GON4L: variants seen among roughly 807,000 people sequenced by gnomAD.
GON4L encodes the protein gon-4 like.
In GON4L, 87 loss-of-function variants were observed where a neutral mutation model predicts 211.8. The ratio of observed to expected loss-of-function variants is 0.41; its 90% CI spans 0.35 to 0.49. The LOEUF (loss-of-function observed/expected upper bound fraction) is 0.49, where lower values mean the gene tolerates loss of function less well. Among genes scored for constraint, GON4L ranks in the 20% least tolerant of loss-of-function variants. The pLI, the probability that GON4L is intolerant of heterozygous loss-of-function variation, is 0.15. For missense variants in GON4L, 2,155 were observed against 2,659.5 expected, an observed-to-expected ratio of 0.81 and a Z score of 4.17; for synonymous variants, 875 against 962.6, an observed-to-expected ratio of 0.91 and a Z score of 1.68.
chr1:155,855,285 C>A (rs1672169812), intron 1 of GON4L, among the ~76,000 whole-genome samples: 1 of 152,080 alleles, frequency 6.6e-6, no homozygotes, highest in African/African-American at 2.4e-5. Context: ...TCTTTCTCAT[C>A]TCCTTCCTCC....
intron 5 of GON4L, among the ~76,000 whole-genome samples, chr1:155,821,101 T>C (rs11264414): frequency 0.027 from 4,146 of 151,612 alleles, 194 homozygotes; most frequent in African/African-American, 0.092. Context: ...CCCGTCTCTA[T>C]TAAAAATACA....
chr1:155,770,825 C>A (rs1663117108), intron 19 of GON4L, among the ~76,000 whole-genome samples: 2 of 152,196 alleles, frequency 1.3e-5, no homozygotes, highest in Non-Finnish European at 2.9e-5. Context: ...GATTGCGCCA[C>A]TCTACTCAAG....
chr1:155,812,937 C>T (rs1456788418), intron 10 of GON4L, among the ~76,000 whole-genome samples: 2 of 152,044 alleles, frequency 1.3e-5, no homozygotes, highest in African/African-American at 2.4e-5. Flanking sequence ...TACACAAAAG[C>T]ATGCAGAGGT....
At chr1:155,820,493 C>A in intron 6 of GON4L, 113 bp downstream of exon 6, 1 of 731,856 alleles carries the variant, frequency 1.4e-6, no homozygotes, top group South Asian at 1.4e-5. Context: ...ATAAATATTT[C>A]TTTAAAGAGG....
At chr1:155,828,048 C>A (rs1669381028) in intron 2 of GON4L, among the ~76,000 whole-genome samples, 1 of 151,876 alleles carries the variant, frequency 6.6e-6, no homozygotes, top group Non-Finnish European at 1.5e-5. Flanking sequence ...GTCCCAGCTA[C>A]TTAGGAGGGT....
intron 6 of GON4L, among the ~76,000 whole-genome samples, chr1:155,817,823 C>T (rs1239600557): frequency 2.0e-5 from 3 of 150,816 alleles, no homozygotes; most frequent in Non-Finnish European, 4.4e-5. Context: ...GTCTGCGAGG[C>T]TAAGGCAGGA....
intron 10 of GON4L, among the ~76,000 whole-genome samples, chr1:155,813,127 C>G (rs1242140911): frequency 6.6e-6 from 1 of 152,100 alleles, no homozygotes; most frequent in African/African-American, 2.4e-5. Context: ...TAGTTCATTT[C>G]TTCCTTAGAA....
At chr1:155,834,869 C>A (rs1030210247) in intron 2 of GON4L, among the ~76,000 whole-genome samples, 1 of 146,774 alleles carries the variant, frequency 6.8e-6, no homozygotes, top group Non-Finnish European at 1.5e-5. Flanking sequence ...AGGAGCCCCT[C>A]TGCCCAGCCA....
chr1:155,822,211 A>C (rs757336766), intron 4 of GON4L, 75 bp downstream of exon 4: 1 of 1,242,732 alleles, frequency 8.0e-7, no homozygotes, highest in Non-Finnish European at 1.2e-6. Flanking sequence ...AGAGTCAAGA[A>C]TTTGCTGAAC....
chr1:155,789,755 CAGGAGCCAATCTCCT>C (rs1665333028), intron 12 of GON4L, among the ~76,000 whole-genome samples: 1 of 151,850 alleles, frequency 6.6e-6, no homozygotes, highest in African/African-American at 2.4e-5. Flanking sequence ...AGGTTGGTTC[CAGGAGCCAATCTCCT>C]GGAACCATTT....
chr1:155,784,173 A>G (rs1664697641), intron 13 of GON4L, 84 bp from the exon 14 acceptor site: 2 of 1,551,170 alleles, frequency 1.3e-6, no homozygotes, highest in Non-Finnish European at 1.8e-6. Flanking sequence ...AGTGAAAACT[A>G]TAGATTACAA....
rs1171204509 is a variant in GON4L, at chr1:155,795,123, T to C, written c.1674A>G (p.Glu558=). ...CATCGAGGTCTTCCAGGAAATTATA[T>C]TCTGGATCATCATCATCATCTGCTT... The part of the protein sequence containing the change: ...EDEADDDDDP[E]YNFLEDLDEP... The change falls in exon 12 of 32, where the codon GAA becomes GAG. Residue 558 remains glutamate (E), a synonymous_variant. Transcript: ENST00000368331. 6.2e-7 allele frequency: 1 copy of C among 1,606,502 alleles called. No individual in the cohort carries two copies. The highest frequency in any genetic ancestry group is 1.7e-5 in the Admixed American group (1 of 59,996).
chr1:155,796,005 G>GA (rs796367049), intron 11 of GON4L, among the ~76,000 whole-genome samples: 12 of 152,176 alleles, frequency 7.9e-5, no homozygotes, highest in African/African-American at 2.9e-4. Context: ...TCTAATATCT[G>GA]AAAAAATCTG....
At chr1:155,820,103 A>G (rs1305572305) in intron 6 of GON4L, among the ~76,000 whole-genome samples, 1 of 151,924 alleles carries the variant, frequency 6.6e-6, no homozygotes, top group Non-Finnish European at 1.5e-5. Context: ...TAGTAGAGAC[A>G]GAGTTTCACT....
intron 2 of GON4L, among the ~76,000 whole-genome samples, chr1:155,833,746 A>AGGAGGAGAGGAGGAGG (rs1670025968): frequency 1.6e-5 from 1 of 63,306 alleles, no homozygotes; most frequent in African/African-American, 6.5e-5. Flanking sequence ...AGGGGAGGAG[A>AGGAGGAGAGGAGGAGG]GGAGGAGGGG....
intron 10 of GON4L, among the ~76,000 whole-genome samples, chr1:155,810,105 C>T (rs28460554): frequency 0.86 from 128,757 of 149,020 alleles, 57,098 homozygotes; most frequent in East Asian, 1. Context: ...AAGCGATTTT[C>T]GTGCCGCAGC....
At chr1:155,746,876 G>A (rs757142976), downstream of GON4L, 2 of 1,596,524 alleles carry the variant, frequency 1.3e-6, no homozygotes, top group Non-Finnish European at 8.5e-7. Context: ...GCAGAGGTGA[G>A]GGCCTCTGTC....
chr1:155,777,479 T>C, intron 15 of GON4L, 143 bp downstream of exon 15: 1 of 717,266 alleles, frequency 1.4e-6, no homozygotes, highest in Non-Finnish European at 2.5e-6. Flanking sequence ...CTTGGGAGGC[T>C]GAGGCAGGAG....
chr1:155,847,857 G>A (rs1407632595), intron 2 of GON4L, among the ~76,000 whole-genome samples: 1 of 152,110 alleles, frequency 6.6e-6, no homozygotes, highest in Non-Finnish European at 1.5e-5. Flanking sequence ...CTGGGGAACA[G>A]AGTGAGACTC....
Sources: allele counts gnomAD v4.1 joint callset (sites outside exome capture counted in the v4.1 genomes callset), GRCh38; gene constraint gnomAD v4.1.1; transcripts MANE v1.5; gene names NCBI Gene and HGNC (gene_info 2026-07-23, HGNC 2026-07-21).